The following TNFSF4 variants were observed in gnomAD, a reference collection of about 807,000 sequenced individuals.
The protein encoded by TNFSF4 is tumor necrosis factor ligand superfamily member 4.
TNFSF4 carries 4 observed loss-of-function variants against 7.3 expected under a neutral mutation model. The ratio of observed to expected loss-of-function variants is 0.55; its 90% CI spans 0.27 to 1.25. The LOEUF (loss-of-function observed/expected upper bound fraction) is 1.25, where lower values mean the gene tolerates loss of function less well. Ranked by LOEUF, TNFSF4 falls within the 50% of genes most tolerant of loss-of-function variation. TNFSF4 has a pLI of 0.12. For missense variants in TNFSF4, 181 were observed against 208.8 expected (o/e 0.87, Z 0.82); for synonymous variants, 76 against 83.7 (o/e 0.91, Z 0.50).
the TNFSF4 span, among the ~76,000 whole-genome samples, chr1:173,272,409 GA>G: frequency 4.6e-5 from 7 of 151,952 alleles, no homozygotes; most frequent in Non-Finnish European, 1.0e-4. Flanking sequence ...TTATTAGCTG[GA>G]AAAAATTGCA....
At chr1:173,338,943 A>G in the TNFSF4 span, among the ~76,000 whole-genome samples, 1 of 152,210 alleles carries the variant, frequency 6.6e-6, no homozygotes, top group Non-Finnish European at 1.5e-5. Context: ...CGATGGAGGT[A>G]AAATCTGGAA....
At chr1:173,335,959 T>C in the TNFSF4 span, among the ~76,000 whole-genome samples, 1 of 152,216 alleles carries the variant, frequency 6.6e-6, no homozygotes, top group Non-Finnish European at 1.5e-5. Flanking sequence ...AACGTGACTT[T>C]GATCCCTCAG....
At chr1:173,450,603 T>G in the TNFSF4 span, among the ~76,000 whole-genome samples, 5 of 151,798 alleles carry the variant, frequency 3.3e-5, no homozygotes, top group Non-Finnish European at 5.9e-5. Flanking sequence ...ATCCCCAGAA[T>G]GCAAGGCTCA....
the TNFSF4 span, chr1:173,440,342 A>C: frequency 2.0e-5 from 3 of 152,150 alleles, no homozygotes; most frequent in Non-Finnish European, 2.9e-5. Flanking sequence ...ATACAATGAC[A>C]GTATGTATTA....
chr1:173,244,157 T>C, the TNFSF4 span, among the ~76,000 whole-genome samples: 1 of 152,162 alleles, frequency 6.6e-6, no homozygotes, highest in Non-Finnish European at 1.5e-5. Context: ...AGTCTATCGT[T>C]TTGGGAGTTA....
the TNFSF4 span, among the ~76,000 whole-genome samples, chr1:173,395,924 C>T: frequency 6.6e-6 from 1 of 152,090 alleles, no homozygotes; most frequent in Non-Finnish European, 1.5e-5. Flanking sequence ...CTTACCCACC[C>T]CCAGTGGGAG....
the TNFSF4 span, chr1:173,363,167 C>T: frequency 3.4e-6 from 1 of 295,714 alleles, no homozygotes; most frequent in Non-Finnish European, 6.8e-6. Flanking sequence ...AAGTTATACT[C>T]CCATTCATAA....
the TNFSF4 span, among the ~76,000 whole-genome samples, chr1:173,313,417 C>T: frequency 1.4e-4 from 21 of 152,158 alleles, no homozygotes; most frequent in African/African-American, 4.6e-4. Flanking sequence ...GTGTCTACTT[C>T]GCTTGAGAAC....
chr1:173,429,166 T>G, the TNFSF4 span, among the ~76,000 whole-genome samples: 1 of 152,214 alleles, frequency 6.6e-6, no homozygotes, highest in South Asian at 2.1e-4. Flanking sequence ...TTATCTCTAC[T>G]TGTATGTATC....
At chr1:173,324,059 G>T in the TNFSF4 span, among the ~76,000 whole-genome samples, 1 of 152,142 alleles carries the variant, frequency 6.6e-6, no homozygotes, top group Admixed American at 6.5e-5. Flanking sequence ...ACACATAATT[G>T]TCGGATTCAC....
At chr1:173,326,824 C>G in the TNFSF4 span, among the ~76,000 whole-genome samples, 2 of 152,054 alleles carry the variant, frequency 1.3e-5, no homozygotes, top group African/African-American at 4.8e-5. Context: ...TGTGAAGGAC[C>G]TCTTCAAGGA....
the TNFSF4 span, among the ~76,000 whole-genome samples, chr1:173,436,942 C>T: frequency 6.6e-6 from 1 of 152,170 alleles, no homozygotes; most frequent in Non-Finnish European, 1.5e-5. Context: ...GATCTCTAGG[C>T]CCCTGGAATG....
At chr1:173,231,139 C>CA in the TNFSF4 span, among the ~76,000 whole-genome samples, 4 of 152,008 alleles carry the variant, frequency 2.6e-5, no homozygotes, top group Admixed American at 6.6e-5. Flanking sequence ...AGAGACACAA[C>CA]AAAAAAAGAG....
chr1:173,393,411 C>T, the TNFSF4 span, among the ~76,000 whole-genome samples: 1 of 152,228 alleles, frequency 6.6e-6, no homozygotes, highest in Admixed American at 6.5e-5. Context: ...TCACAACTGT[C>T]TCCTTGCCTC....
chr1:173,445,852 C>T, the TNFSF4 span, among the ~76,000 whole-genome samples: 16 of 152,228 alleles, frequency 1.1e-4, no homozygotes, highest in Admixed American at 8.5e-4. Context: ...CTGAGCTGTG[C>T]ATGCATGGAA....
At chr1:173,209,263 C>T (rs1266172394), upstream of TNFSF4, among the ~76,000 whole-genome samples, 1 of 152,128 alleles carries the variant, frequency 6.6e-6, no homozygotes, top group Non-Finnish European at 1.5e-5. Flanking sequence ...ACACACACAC[C>T]AGGCTGGAAG....
At chr1:173,253,645 AT>A in the TNFSF4 span, among the ~76,000 whole-genome samples, 1 of 152,236 alleles carries the variant, frequency 6.6e-6, no homozygotes, top group African/African-American at 2.4e-5. Flanking sequence ...GCCAAGACAT[AT>A]GAACGTCTAG....
At chr1:173,382,103 G>A in the TNFSF4 span, among the ~76,000 whole-genome samples, 2 of 152,148 alleles carry the variant, frequency 1.3e-5, no homozygotes, top group South Asian at 2.1e-4. Context: ...TCTTGCTGCT[G>A]CTCACTCTTT....
At chr1:173,192,195 G>A (rs1370047386) in intron 1 of TNFSF4, among the ~76,000 whole-genome samples, 1 of 152,058 alleles carries the variant, frequency 6.6e-6, no homozygotes, top group African/African-American at 2.4e-5. Flanking sequence ...CCATCTTCAA[G>A]GCCTAAATCA....
Sources: gnomAD v4.1 joint callset for allele counts (sites outside exome capture counted in the v4.1 genomes callset) on GRCh38, gnomAD v4.1.1 for gene constraint, MANE v1.5 for transcripts, NCBI Gene and HGNC (gene_info 2026-07-23, HGNC 2026-07-21) for gene names.